THAP4: variants seen among roughly 807,000 people sequenced by gnomAD.
THAP4 encodes the protein peroxynitrite isomerase THAP4.
A neutral mutation model predicts 48.1 loss-of-function variants in THAP4; 18 were observed. That is an observed-to-expected ratio of 0.37 (90% CI 0.26 to 0.56). The LOEUF is 0.56. Among genes scored for constraint, THAP4 ranks in the 20% least tolerant of loss-of-function variants. The probability of loss-of-function intolerance (pLI) is 0.78; values close to 1 mark genes in which losing one functional copy is unlikely to be tolerated. For synonymous variants in THAP4, 345 were observed against 324.9 expected (o/e 1.06, Z -0.66); for missense variants, 656 against 774.9 (o/e 0.85, Z 1.82).
chr2:241,608,946 T>G (rs762058156), intron 2 of THAP4, among the ~76,000 whole-genome samples: 14 of 152,186 alleles, frequency 9.2e-5, no homozygotes, highest in Non-Finnish European at 1.9e-4. Flanking sequence ...CCTGGGTACG[T>G]AGGCCTGGTC....
At position 241,602,825 on chromosome 2, in the gene THAP4, C is replaced by G. The variant is rs775060891; in HGVS notation, c.1510+145G>C. 49 of 655,860 alleles carry G rather than the reference C, an allele frequency of 7.5e-5. 1 individual carries two copies. Among genetic ancestry groups the G allele is most frequent in the Middle Eastern group, 8.2e-4 (2 of 2,436 alleles). 40.6% of individuals were successfully genotyped at this position (655,860 alleles called of 1,614,324 possible). A position where few individuals can be genotyped will look rare whatever the true frequency, so the allele number is the denominator to read the frequency against. On this transcript the variant is annotated intron_variant, in intron 4 of 5. Transcript: ENST00000407315. ...AGTCGGCCCCGCAGGCTCCCAGGAC[C>G]ACTCTCAACACTCAGGGCCATCCCC...
At chr2:241,630,247 A>C (rs2125098069) in intron 2 of THAP4, among the ~76,000 whole-genome samples, 1 of 152,326 alleles carries the variant, frequency 6.6e-6, no homozygotes, top group Non-Finnish European at 1.5e-5. Flanking sequence ...AAAAGCAGAG[A>C]GAGGCAGATC....
intron 5 of THAP4, among the ~76,000 whole-genome samples, chr2:241,587,436 T>C (rs2066907738): frequency 6.6e-6 from 1 of 152,188 alleles, no homozygotes; most frequent in Admixed American, 6.5e-5. Context: ...CTGACTTCCC[T>C]GGTTCTGAAG....
upstream of THAP4, chr2:241,637,427 C>T (rs1161643661): frequency 3.4e-6 from 5 of 1,463,222 alleles, no homozygotes; most frequent in Non-Finnish European, 4.5e-6. Flanking sequence ...CTCCTGGGTC[C>T]TCTAAGAGGA....
At position 241,609,652 on chromosome 2, in the gene THAP4, T is replaced by C. The variant is rs184700730; in HGVS notation, c.1241-3179A>G. Among the ~76,000 whole-genome samples the C allele has an allele frequency of 1.1e-4, 16 of 152,194 alleles. No individual in the cohort carries two copies. In the East Asian group the frequency reaches 1.9e-3, roughly 18 times the overall value. On this transcript the variant is annotated intron_variant, in intron 2 of 5. Coordinates refer to ENST00000407315, the MANE Select transcript of THAP4 (RefSeq NM_015963.6). Reference sequence around the variant, plus strand: ...AAATACAAAAATTAGCCGGGCGTGGTGGCACACGCCTGTAATCCCAGTTAC... The same window carrying C: ...AAATACAAAAATTAGCCGGGCGTGGCGGCACACGCCTGTAATCCCAGTTAC...
chr2:241,586,592 C>T (rs1165850745), intron 5 of THAP4, among the ~76,000 whole-genome samples: 1 of 152,160 alleles, frequency 6.6e-6, no homozygotes, highest in Non-Finnish European at 1.5e-5. Flanking sequence ...CCCACCCTCA[C>T]CCAGGGGATA....
intron 2 of THAP4, among the ~76,000 whole-genome samples, chr2:241,620,211 G>A (rs866671382): frequency 6.5e-5 from 4 of 61,782 alleles, no homozygotes; most frequent in East Asian, 9.5e-4. Context: ...GTGAGTGAGG[G>A]GTGAGTGAGT....
At chr2:241,635,433 C>A (rs1475160277) in intron 1 of THAP4, among the ~76,000 whole-genome samples, 1 of 152,224 alleles carries the variant, frequency 6.6e-6, no homozygotes, top group Non-Finnish European at 1.5e-5. Flanking sequence ...ATAACCATTT[C>A]TTCATTAAGG....
chr2:241,603,879 A>G (rs2067148068), intron 3 of THAP4, among the ~76,000 whole-genome samples: 2 of 152,166 alleles, frequency 1.3e-5, no homozygotes, highest in South Asian at 2.1e-4. Context: ...ACTCGCTGGC[A>G]TGGTGACTCA....
intron 3 of THAP4, among the ~76,000 whole-genome samples, chr2:241,603,684 A>G (rs2067146027): frequency 6.6e-6 from 1 of 152,210 alleles, no homozygotes; most frequent in African/African-American, 2.4e-5. Flanking sequence ...ACCCTAACAC[A>G]ATCTTTCTCT....
At chr2:241,613,478 T>C (rs1045273980) in intron 2 of THAP4, among the ~76,000 whole-genome samples, 11 of 152,128 alleles carry the variant, frequency 7.2e-5, no homozygotes, top group South Asian at 2.1e-4. Context: ...ACTGGGCCGG[T>C]TGCAGTGGCT....
At chr2:241,614,146 C>A (rs1054255806) in intron 2 of THAP4, among the ~76,000 whole-genome samples, 13 of 151,108 alleles carry the variant, frequency 8.6e-5, no homozygotes, top group Non-Finnish European at 1.6e-4. Flanking sequence ...TGGAGAGACA[C>A]CCTGCCTTGA....
intron 2 of THAP4, among the ~76,000 whole-genome samples, chr2:241,608,882 C>T (rs2067224242): frequency 1.3e-5 from 2 of 152,224 alleles, no homozygotes; most frequent in Non-Finnish European, 2.9e-5. Flanking sequence ...GATCAGGGTC[C>T]CTGCAGCTAC....
At chr2:241,623,633 T>C (rs1298471034) in intron 2 of THAP4, among the ~76,000 whole-genome samples, 1 of 151,242 alleles carries the variant, frequency 6.6e-6, no homozygotes, top group Admixed American at 6.6e-5. Context: ...TTGATATCAT[T>C]TAAAAAAAAA....
At chr2:241,636,188 T>C (rs1433309942) in intron 1 of THAP4, among the ~76,000 whole-genome samples, 1 of 152,246 alleles carries the variant, frequency 6.6e-6, no homozygotes, top group Non-Finnish European at 1.5e-5. Flanking sequence ...CTGTGAACTT[T>C]CAATAACCCT....
In THAP4 at chr2:241,585,926, AAAAG is replaced by A. The variant is rs1400697318; in HGVS notation, c.1615-1205_1615-1202del. 4.4e-4 allele frequency among the ~76,000 whole-genome samples: 64 copies of A among 143,952 alleles called. 2 individuals are homozygous for A. In the Middle Eastern group the frequency reaches 0.01, roughly 24 times the overall value. 94.4% of individuals were successfully genotyped at this position (143,952 alleles called of 152,430 possible). A position where few individuals can be genotyped will look rare whatever the true frequency, so the allele number is the denominator to read the frequency against. On this transcript the variant is annotated intron_variant, in intron 5 of 5. Transcript: ENST00000407315. ...AGACTCCTTCTCAAAAAAAAAAAAAAAAAGAAAAAAAAAAGAAAAAGAAAAAGAA... is the reference window on the plus strand; with the variant it reads ...AGACTCCTTCTCAAAAAAAAAAAAAAAAAAAAAAAAGAAAAAGAAAAAGAA...
At chr2:241,629,126 G>A (rs1050446877) in intron 2 of THAP4, among the ~76,000 whole-genome samples, 8 of 151,944 alleles carry the variant, frequency 5.3e-5, no homozygotes, top group African/African-American at 1.7e-4. Flanking sequence ...ACACAGGACC[G>A]ATCAGCTCTC....
At chr2:241,628,483 G>A (rs2067519783) in intron 2 of THAP4, among the ~76,000 whole-genome samples, 1 of 151,862 alleles carries the variant, frequency 6.6e-6, no homozygotes, top group African/African-American at 2.4e-5. Flanking sequence ...GCATCCTCCA[G>A]GTGCTCAAGC....
chr2:241,587,537 T>C (rs2066908621), intron 5 of THAP4, among the ~76,000 whole-genome samples: 1 of 152,198 alleles, frequency 6.6e-6, no homozygotes, highest in Admixed American at 6.5e-5. Flanking sequence ...CTACATTCGT[T>C]AAGTGTACAT....
Sources: gnomAD v4.1 joint callset for allele counts (sites outside exome capture counted in the v4.1 genomes callset) on GRCh38, gnomAD v4.1.1 for gene constraint, MANE v1.5 for transcripts, NCBI Gene and HGNC (gene_info 2026-07-23, HGNC 2026-07-21) for gene names.